The following TRAF3 variants were observed in gnomAD, a reference collection of about 807,000 sequenced individuals.
TRAF3 encodes the protein TNF receptor-associated factor 3.
TRAF3 carries 13 observed loss-of-function variants against 62.3 expected under a neutral mutation model. The observed-to-expected ratio is 0.21, with a 90% confidence interval of 0.14 to 0.33. TRAF3 has a LOEUF of 0.33. Ranked by LOEUF, TRAF3 falls within the 10% of genes least tolerant of loss-of-function variation. The pLI, the probability that TRAF3 is intolerant of heterozygous loss-of-function variation, is 1.00. For missense variants in TRAF3, 440 were observed against 741.8 expected, an observed-to-expected ratio of 0.59 and a Z score of 4.73; for synonymous variants, 269 against 283.4, an observed-to-expected ratio of 0.95 and a Z score of 0.51.
intron 9 of TRAF3, among the ~76,000 whole-genome samples, chr14:102,895,589 A>G (rs528850931): frequency 6.6e-6 from 1 of 152,302 alleles, no homozygotes; most frequent in South Asian, 2.1e-4. Context: ...TCTGGCACAG[A>G]GCTTAGGGTC....
chr14:102,861,307 A>G (rs971495956), intron 2 of TRAF3, among the ~76,000 whole-genome samples: 10 of 152,216 alleles, frequency 6.6e-5, no homozygotes, highest in African/African-American at 2.2e-4. Context: ...TTAACATCCC[A>G]TAGTGCCAAA....
At chr14:102,850,998 C>A (rs572161202) in intron 2 of TRAF3, among the ~76,000 whole-genome samples, 1 of 152,158 alleles carries the variant, frequency 6.6e-6, no homozygotes, top group African/African-American at 2.4e-5. Context: ...GTATGATTGC[C>A]GTGCTAACCA....
intron 2 of TRAF3, among the ~76,000 whole-genome samples, chr14:102,834,957 C>T (rs1236116871): frequency 1.3e-5 from 2 of 150,540 alleles, no homozygotes; most frequent in Non-Finnish European, 1.5e-5. Context: ...ACAGAGTAAA[C>T]ATACATCTTA....
At chr14:102,842,065 C>T (rs1445552418) in intron 2 of TRAF3, among the ~76,000 whole-genome samples, 3 of 151,638 alleles carry the variant, frequency 2.0e-5, no homozygotes, top group Non-Finnish European at 2.9e-5. Flanking sequence ...GCCAACATGG[C>T]GAAACCTCGT....
At chr14:102,904,580 G>T (rs1240422291) in intron 11 of TRAF3, among the ~76,000 whole-genome samples, 20 of 152,180 alleles carry the variant, frequency 1.3e-4, no homozygotes, top group Admixed American at 1.3e-3. Flanking sequence ...GGAGGCTGAG[G>T]TGGGCAGATC....
At chr14:102,886,364 C>A in intron 7 of TRAF3, 95 bp downstream of exon 7, 1 of 1,131,826 alleles carries the variant, frequency 8.8e-7, no homozygotes, top group African/African-American at 1.5e-5. Flanking sequence ...CACGTTTTCC[C>A]AGTTCGTGAG....
rs1421202703 is a variant in TRAF3 at position 102,909,526 on chromosome 14, C to T, written c.*3742C>T. On this transcript the variant is annotated 3_prime_UTR_variant, in exon 12 of 12. Coordinates refer to ENST00000392745, the MANE Select transcript of TRAF3 (RefSeq NM_145725.3). The stretch of plus-strand genomic sequence containing the variant: ...TCCTTTCTCCTTCCCTGCCCCATCC[C>T]CGTGCCCTTCTTGGCCTGTGGCGCT... The T allele has an allele frequency of 6.5e-6, 1 of 152,792 alleles. No individual in the cohort carries two copies. Among genetic ancestry groups the T allele is most frequent in the African/African-American group, 2.4e-5 (1 of 41,478 alleles). 9.5% of individuals were successfully genotyped at this position (152,792 alleles called of 1,614,324 possible).
chr14:102,785,267 C>G (rs535205494), intron 1 of TRAF3, among the ~76,000 whole-genome samples: 1 of 152,196 alleles, frequency 6.6e-6, no homozygotes, highest in Non-Finnish European at 1.5e-5. Flanking sequence ...TCCGTTCCAT[C>G]TCTGGCGTAA....
intron 1 of TRAF3, chr14:102,810,883 C>T (rs186354134): frequency 2.4e-4 from 36 of 152,330 alleles, no homozygotes; most frequent in African/African-American, 8.4e-4. Flanking sequence ...GAGTCCATTA[C>T]ACATTCTGGA....
At chr14:102,859,025 T>G (rs766423070) in intron 2 of TRAF3, among the ~76,000 whole-genome samples, 3 of 152,206 alleles carry the variant, frequency 2.0e-5, no homozygotes, top group Non-Finnish European at 4.4e-5. Context: ...TACGCTTTTA[T>G]TCCAGTGTTC....
At chr14:102,876,991 T>C (rs1307104033) in intron 6 of TRAF3, among the ~76,000 whole-genome samples, 2 of 148,072 alleles carry the variant, frequency 1.4e-5, no homozygotes, top group African/African-American at 5.1e-5. Flanking sequence ...TTCCCTCAAC[T>C]CATAGATAAT....
At chr14:102,818,655 A>T (rs193286877) in intron 1 of TRAF3, among the ~76,000 whole-genome samples, 12 of 152,178 alleles carry the variant, frequency 7.9e-5, no homozygotes, top group African/African-American at 2.9e-4. Context: ...CCACTGTTCT[A>T]CTCTACGCTT....
intron 2 of TRAF3, among the ~76,000 whole-genome samples, chr14:102,848,369 C>T (rs532537431): frequency 6.6e-6 from 1 of 152,302 alleles, no homozygotes; most frequent in South Asian, 2.1e-4. Flanking sequence ...TTCCAGGCTG[C>T]AGTGAGCTAG....
intron 1 of TRAF3, among the ~76,000 whole-genome samples, chr14:102,827,640 G>A (rs1323420457): frequency 6.6e-6 from 1 of 152,178 alleles, no homozygotes; most frequent in African/African-American, 2.4e-5. Flanking sequence ...TTGGATTAGG[G>A]ATGCTCCATT....
chr14:102,854,202 T>A (rs1042144919), intron 2 of TRAF3, among the ~76,000 whole-genome samples: 1 of 152,236 alleles, frequency 6.6e-6, no homozygotes, highest in African/African-American at 2.4e-5. Context: ...CCATTTGAGC[T>A]GTTTCTACTT....
In TRAF3 at chr14:102,905,742, T is replaced by C. The variant is rs746588109; in HGVS notation, c.1665T>C (p.Phe555=). The C allele has an allele frequency of 1.7e-5, 28 of 1,612,982 alleles. No homozygotes were observed. The highest frequency in any genetic ancestry group is 2.2e-5 in the Non-Finnish European group (26 of 1,179,404). Residue 555 remains phenylalanine, a synonymous_variant, in exon 12 of 12, where the codon TTT becomes TTC. Coordinates refer to ENST00000392745, the MANE Select transcript of TRAF3 (RefSeq NM_145725.3). ...NGTYIKDDTI[F]IKVIVDTSDL... Reference sequence around the variant, plus strand: ...CATATATTAAAGATGATACAATTTTTATTAAAGTCATAGTGGATACTTCGG... The same window carrying C: ...CATATATTAAAGATGATACAATTTTCATTAAAGTCATAGTGGATACTTCGG...
At position 102,903,454 on chromosome 14, in the gene TRAF3, C is replaced by T; in HGVS notation, c.1135+25C>T. ...GGTGAGGCAGGGGCCGGGGCCGGGC[C>T]AGCAGTGTGCATCTGGGCCCCGGGC... On this transcript the variant is annotated intron_variant, in intron 11 of 11. Transcript: ENST00000392745. The surrounding 1 kb of genome is among the most constrained non-coding windows in gnomAD (Gnocchi z 6.4). The T allele has an allele frequency of 6.2e-7, 1 of 1,612,928 alleles. No homozygotes were observed. The highest frequency in any genetic ancestry group is 8.5e-7 in the Non-Finnish European group (1 of 1,179,732).
intron 10 of TRAF3, among the ~76,000 whole-genome samples, chr14:102,898,462 G>A (rs910493709): frequency 2.6e-5 from 4 of 152,224 alleles, no homozygotes; most frequent in Non-Finnish European, 4.4e-5. Context: ...ACTGGCCAAG[G>A]CGACTGGTCA....
rs188374032 is a variant in TRAF3 at position 102,845,973 on chromosome 14, C to T, written c.-18+15501C>T. On this transcript the variant is annotated intron_variant, in intron 2 of 11. Transcript: ENST00000392745. Reference sequence around the variant, plus strand: ...TCTAGCCTGGGTGACAGAGGTCGACCGTGTCTCAAAAAAAAAAAAAAAAAA... The same window carrying T: ...TCTAGCCTGGGTGACAGAGGTCGACTGTGTCTCAAAAAAAAAAAAAAAAAA... Among the ~76,000 whole-genome samples the T allele has an allele frequency of 1.0e-4, 10 of 97,360 alleles. No homozygotes were observed. In the East Asian group the frequency reaches 1.8e-3, roughly 17 times the overall value. 63.9% of individuals were successfully genotyped at this position (97,360 alleles called of 152,430 possible). A position where few individuals can be genotyped will look rare whatever the true frequency, so the allele number is the denominator to read the frequency against.
Sources: allele counts gnomAD v4.1 joint callset (sites outside exome capture counted in the v4.1 genomes callset), GRCh38; gene constraint gnomAD v4.1.1; non-coding constraint Gnocchi (gnomAD v3.1); transcripts MANE v1.5; gene names NCBI Gene and HGNC (gene_info 2026-07-23, HGNC 2026-07-21).